Variants in CASP4 observed in about 807,000 individuals in gnomAD.
CASP4 encodes caspase 4.
A neutral mutation model predicts 41.3 loss-of-function variants in CASP4; 29 were observed. That is an observed-to-expected ratio of 0.70 (90% CI 0.52 to 0.96). The LOEUF (loss-of-function observed/expected upper bound fraction) is 0.96, where lower values mean the gene tolerates loss of function less well. CASP4 is among the 40% of genes least tolerant of loss of function. The probability of loss-of-function intolerance (pLI) is 0.00; values close to 1 mark genes in which losing one functional copy is unlikely to be tolerated. For synonymous variants in CASP4, 185 were observed against 158.4 expected (o/e 1.17, Z -1.26); for missense variants, 447 against 460.6 (o/e 0.97, Z 0.27).
intron 3 of CASP4, chr11:104,951,316 GCCTTTTCTTCTC>G (rs151173402): frequency 4.4e-4 from 174 of 396,588 alleles, no homozygotes; most frequent in African/African-American, 3.5e-3. Flanking sequence ...TAATTCCTAT[GCCTTTTCTTCTC>G]CCTTTTCTTC....
intron 1 of CASP4, among the ~76,000 whole-genome samples, chr11:104,963,649 C>T: frequency 6.6e-6 from 1 of 152,176 alleles, no homozygotes. Context: ...TGCTCTGGGC[C>T]ACCTGGAAGA....
At chr11:104,956,919 A>G (rs570086537) in intron 1 of CASP4, among the ~76,000 whole-genome samples, 1 of 152,282 alleles carries the variant, frequency 6.6e-6, no homozygotes, top group South Asian at 2.1e-4. Flanking sequence ...AGAGTTTTTA[A>G]CAAAAAAAGT....
Position 104,951,977 on chromosome 11 carries a change from A to C in CASP4, c.291T>G (p.Pro97=). Residue 97 remains proline (P), a synonymous_variant, in exon 3 of 9, where the codon CCT becomes CCG. Transcript: ENST00000444739. ...GGGCATCTGTAGATTCTCCTGACTC[A>C]GGTGGTCCAGCCTCCATATTCGGAT... ...KAHPNMEAGP[P]ESGESTDALK... 1 of 1,612,330 alleles carries C rather than the reference A, an allele frequency of 6.2e-7. No homozygotes were observed. Among genetic ancestry groups the C allele is most frequent in the Non-Finnish European group, 8.5e-7 (1 of 1,178,910 alleles).
chr11:104,954,293 G>A (rs778014031), intron 2 of CASP4, among the ~76,000 whole-genome samples: 4 of 152,098 alleles, frequency 2.6e-5, no homozygotes, highest in Admixed American at 6.6e-5. Context: ...CCGGATGAGA[G>A]CTAATATCTT....
At chr11:104,954,148 A>G (rs1032822516) in intron 2 of CASP4, among the ~76,000 whole-genome samples, 2 of 152,172 alleles carry the variant, frequency 1.3e-5, no homozygotes, top group African/African-American at 4.8e-5. Flanking sequence ...GGGAATAAAA[A>G]TGCAACAGTT....
chr11:104,953,104 A>G (rs957651110), intron 2 of CASP4, among the ~76,000 whole-genome samples: 3 of 152,214 alleles, frequency 2.0e-5, no homozygotes, highest in South Asian at 2.1e-4. Flanking sequence ...TAGAATTTCT[A>G]TCTTACATCC....
intron 5 of CASP4, chr11:104,948,906 A>G (rs1734451438): frequency 2.9e-6 from 1 of 343,998 alleles, no homozygotes; most frequent in African/African-American, 2.1e-5. Context: ...TGAATTTACC[A>G]TTTTCTAGAA....
At chr11:104,960,647 T>G (rs1860837899) in intron 1 of CASP4, among the ~76,000 whole-genome samples, 1 of 152,146 alleles carries the variant, frequency 6.6e-6, no homozygotes, top group Admixed American at 6.5e-5. Flanking sequence ...TTTTTGTATT[T>G]TTAGTAGAGA....
Position 104,942,871 on chromosome 11 carries a change from T to C in CASP4, c.*108A>G, listed in dbSNP as rs1190340047. 1 of 456,078 alleles carries C rather than the reference T, an allele frequency of 2.2e-6. No individual in the cohort carries two copies. The highest frequency in any genetic ancestry group is 2.0e-5 in the African/African-American group (1 of 50,052). 28.3% of individuals were successfully genotyped at this position (456,078 alleles called of 1,614,324 possible). A position where few individuals can be genotyped will look rare whatever the true frequency, so the allele number is the denominator to read the frequency against. The stretch of plus-strand genomic sequence containing the variant: ...TCTATTAGAAAAAGACACAGTTCGT[T>C]TGTCTTCACTTTTATTGAAATACAA... On this transcript the variant is annotated 3_prime_UTR_variant, in exon 9 of 9. Transcript: ENST00000444739.
intron 3 of CASP4, chr11:104,951,401 G>T (rs896254524): frequency 7.5e-6 from 2 of 266,682 alleles, no homozygotes; most frequent in African/African-American, 4.4e-5. Flanking sequence ...AAAACGAGAT[G>T]TTGTCGTTGA....
intron 1 of CASP4, 103 bp downstream of exon 1, chr11:104,968,414 CAT>C (rs1245821184): frequency 1.3e-5 from 13 of 1,000,998 alleles, no homozygotes; most frequent in Non-Finnish European, 2.1e-5. Flanking sequence ...AGGAATTCAA[CAT>C]GTGTGCTATC....
chr11:104,962,092 G>T (rs1043175873), intron 1 of CASP4, among the ~76,000 whole-genome samples: 6 of 152,142 alleles, frequency 3.9e-5, no homozygotes, highest in Non-Finnish European at 7.4e-5. Context: ...ATGTTAAATG[G>T]TTCCCCATGC....
At chr11:104,958,619 A>G (rs1944902) in intron 1 of CASP4, among the ~76,000 whole-genome samples, 2 of 152,030 alleles carry the variant, frequency 1.3e-5, no homozygotes, top group Admixed American at 1.3e-4. Flanking sequence ...AAGATAACAA[A>G]TGGTGGAGAG....
intron 7 of CASP4, among the ~76,000 whole-genome samples, chr11:104,945,702 T>G (rs924773633): frequency 6.6e-6 from 1 of 152,180 alleles, no homozygotes; most frequent in African/African-American, 2.4e-5. Flanking sequence ...ATGAACATCC[T>G]TGAAAGTACA....
chr11:104,948,730 C>A, intron 5 of CASP4, 54 bp from the exon 6 acceptor site: 1 of 1,483,904 alleles, frequency 6.7e-7, no homozygotes, highest in South Asian at 1.4e-5. Flanking sequence ...GAATGGCTGT[C>A]ACAGTTGCCC....
intron 1 of CASP4, among the ~76,000 whole-genome samples, chr11:104,966,524 C>T (rs1860979487): frequency 6.6e-6 from 1 of 152,150 alleles, no homozygotes; most frequent in South Asian, 2.1e-4. Context: ...TCAGGTACAG[C>T]TGTCCAGAGA....
chr11:104,966,994 A>AT (rs967217336), intron 1 of CASP4, among the ~76,000 whole-genome samples: 3 of 152,198 alleles, frequency 2.0e-5, no homozygotes, highest in Non-Finnish European at 4.4e-5. Flanking sequence ...ACTATAGATT[A>AT]TTTTTTGTTA....
At chr11:104,943,210 A>T (rs541903303) in intron 8 of CASP4, 1 of 311,630 alleles carries the variant, frequency 3.2e-6, no homozygotes, top group Non-Finnish European at 6.3e-6. Flanking sequence ...TCAGATAATA[A>T]TTTTTAAAGG....
At chr11:104,954,232 G>A (rs1342491063) in intron 2 of CASP4, among the ~76,000 whole-genome samples, 1 of 152,152 alleles carries the variant, frequency 6.6e-6, no homozygotes, top group Non-Finnish European at 1.5e-5. Context: ...AAGTAGACCT[G>A]TTGAATATGT....
Sources: gnomAD v4.1 joint callset for allele counts (sites outside exome capture counted in the v4.1 genomes callset) on GRCh38, gnomAD v4.1.1 for gene constraint, MANE v1.5 for transcripts, NCBI Gene and HGNC (gene_info 2026-07-23, HGNC 2026-07-21) for gene names.